Variants in RRP12 observed in about 807,000 individuals in gnomAD.
The protein encoded by RRP12 is RRP12-like protein.
In RRP12, 78 loss-of-function variants were observed where a neutral mutation model predicts 157.3. That is an observed-to-expected ratio of 0.50 (90% confidence interval 0.41 to 0.60). The LOEUF is 0.60. Ranked by LOEUF, RRP12 falls within the 20% of genes least tolerant of loss-of-function variation. RRP12 has a pLI of 0.00. For synonymous variants in RRP12, 726 were observed against 670.9 expected, an observed-to-expected ratio of 1.08 and a Z score of -1.27; for missense variants, 1,521 against 1,679.9, an observed-to-expected ratio of 0.91 and a Z score of 1.65.
chr10:97,363,948 C>CA (rs1424734001), intron 29 of RRP12, 45 bp from the exon 30 acceptor site: 1 of 1,568,486 alleles, frequency 6.4e-7, no homozygotes, highest in Non-Finnish European at 8.8e-7. Context: ...GGGAGCTCCT[C>CA]AAAACCTACC....
chr10:97,393,051 AT>A (rs1844853820), intron 4 of RRP12: 1 of 246,400 alleles, frequency 4.1e-6, no homozygotes, highest in Non-Finnish European at 8.2e-6. Context: ...TAATTTTTAT[AT>A]TTTTAGTAGA....
At chr10:97,386,685 T>A (rs886462797) in intron 8 of RRP12, among the ~76,000 whole-genome samples, 1 of 152,086 alleles carries the variant, frequency 6.6e-6, no homozygotes, top group Non-Finnish European at 1.5e-5. Flanking sequence ...TGTATGTAAA[T>A]AAACACTACA....
At chr10:97,371,579 A>C in intron 20 of RRP12, 1 of 185,914 alleles carries the variant, frequency 5.4e-6, no homozygotes, top group South Asian at 1.1e-4. Context: ...ACTGCTACTA[A>C]ACTGTGGCAA....
chr10:97,360,538 A>G lies in RRP12; in HGVS notation c.3640+8T>C, dbSNP rs1449791453. ...ATGTGTCCCAGGAGAGAGGAGTGGA[A>G]GCCTCACCTTGGTACTGAGGGGGTA... On this transcript the variant is annotated splice_region_variant and intron_variant, in intron 31 of 33. Transcript: ENST00000370992. 6.2e-7 allele frequency: 1 copy of G among 1,605,906 alleles called. No individual in the cohort carries two copies.
chr10:97,368,155 T>C (rs776304243), intron 25 of RRP12, among the ~76,000 whole-genome samples: 1 of 146,374 alleles, frequency 6.8e-6, no homozygotes, highest in Admixed American at 6.9e-5. Flanking sequence ...CTCAGCCACA[T>C]GAACAGCTGG....
intron 30 of RRP12, among the ~76,000 whole-genome samples, chr10:97,362,600 T>G (rs1232741788): frequency 1.3e-5 from 2 of 151,972 alleles, no homozygotes; most frequent in Non-Finnish European, 2.9e-5. Context: ...GAGGAAGGAC[T>G]CCCAGTAGGT....
Position 97,401,306 on chromosome 10 carries a change from G to C in RRP12, c.-75C>G. On this transcript the variant is annotated 5_prime_UTR_variant, in exon 1 of 34. Transcript: ENST00000370992. ...ACGTAGAAACACGCTCAGAACCCACGTGGATACCCTGTAGCCTTCACTTCC... is the reference window on the plus strand; with the variant it reads ...ACGTAGAAACACGCTCAGAACCCACCTGGATACCCTGTAGCCTTCACTTCC... 6.3e-7 allele frequency: 1 copy of C among 1,575,084 alleles called. No individual in the cohort carries two copies. The highest frequency in any genetic ancestry group is 8.7e-7 in the Non-Finnish European group (1 of 1,148,306).
chr10:97,378,507 T>C (rs1844371882), intron 15 of RRP12, among the ~76,000 whole-genome samples: 1 of 152,192 alleles, frequency 6.6e-6, no homozygotes, highest in Non-Finnish European at 1.5e-5. Flanking sequence ...CCACCATCAT[T>C]GAAACGTCAT....
At position 97,366,833 on chromosome 10, in the gene RRP12, C is replaced by A. The variant is rs1207675910; in HGVS notation, c.3124G>T (p.Ala1042Ser). 3 of 1,614,166 alleles carry A rather than the reference C, an allele frequency of 1.9e-6. No homozygotes were observed. Among genetic ancestry groups the A allele is most frequent in the South Asian group, 1.1e-5 (1 of 91,088 alleles). Residue 1042 changes from alanine (A) to serine (S), a missense_variant, in exon 27 of 34, where the codon GCC becomes TCC. By Grantham distance (99) the Ala-to-Ser change is moderately conservative. Coordinates refer to ENST00000370992, the MANE Select transcript of RRP12 (RefSeq NM_015179.4). The part of the protein sequence containing the change: ...LVNIRKAEAR[A>S]KRHRALSQAA... ...TGGCTCAGGGCTCGGTGCCTCTTGG[C>A]CCGGGCCTCAGCTTTCCGGATGTTG...
intron 20 of RRP12, 195 bp from the exon 21 acceptor site, chr10:97,371,276 G>A (rs1290250356): frequency 2.4e-5 from 15 of 624,722 alleles, no homozygotes; most frequent in Non-Finnish European, 3.1e-5. Flanking sequence ...GGTGTGTGCC[G>A]TGGGGCCCAC....
At chr10:97,394,621 C>T (rs1233675765) in intron 3 of RRP12, among the ~76,000 whole-genome samples, 1 of 152,162 alleles carries the variant, frequency 6.6e-6, no homozygotes, top group Non-Finnish European at 1.5e-5. Context: ...AACTCCTAGC[C>T]TCAAGCACTC....
chr10:97,391,228 C>T (rs1844794459), intron 4 of RRP12, among the ~76,000 whole-genome samples: 1 of 152,182 alleles, frequency 6.6e-6, no homozygotes, highest in African/African-American at 2.4e-5. Flanking sequence ...TCACCCAGGA[C>T]CTTATGTTGT....
chr10:97,390,563 A>G (rs1564767804), intron 5 of RRP12, 24 bp from the exon 6 acceptor site: 6 of 1,570,732 alleles, frequency 3.8e-6, no homozygotes, highest in Non-Finnish European at 5.3e-6. Context: ...AGAGTCCCTC[A>G]GTGCCACCAG....
chr10:97,378,197 T>G (rs1251663716), intron 15 of RRP12, among the ~76,000 whole-genome samples: 1 of 152,146 alleles, frequency 6.6e-6, no homozygotes, highest in African/African-American at 2.4e-5. Context: ...GGGTAATCAT[T>G]TTCAAATACA....
intron 29 of RRP12, 69 bp from the exon 30 acceptor site, chr10:97,363,972 C>T: frequency 6.9e-7 from 1 of 1,443,218 alleles, no homozygotes; most frequent in Non-Finnish European, 9.8e-7. Context: ...TCCTTCTGCC[C>T]CCTCCTGGCT....
chr10:97,381,877 G>T, intron 10 of RRP12, 51 bp from the exon 11 acceptor site: 2 of 1,329,120 alleles, frequency 1.5e-6, no homozygotes, highest in Non-Finnish European at 2.1e-6. Flanking sequence ...CTGGGGACCC[G>T]GGCAACCAGG....
chr10:97,372,824 A>C, intron 18 of RRP12, 21 bp from the exon 19 acceptor site: 3 of 1,554,432 alleles, frequency 1.9e-6, no homozygotes, highest in Non-Finnish European at 1.7e-6. Flanking sequence ...CGAGGGAATG[A>C]GGAGAAGAGA....
At chr10:97,389,394 A>G (rs888340250) in intron 6 of RRP12, among the ~76,000 whole-genome samples, 3 of 152,114 alleles carry the variant, frequency 2.0e-5, no homozygotes, top group Non-Finnish European at 4.4e-5. Flanking sequence ...CGCCCAGCCA[A>G]GGGGCTGCTA....
At chr10:97,397,717 T>A (rs1845006533) in intron 2 of RRP12, among the ~76,000 whole-genome samples, 1 of 151,452 alleles carries the variant, frequency 6.6e-6, no homozygotes, top group Non-Finnish European at 1.5e-5. Context: ...CCCAACACTT[T>A]GGGAGGCTCA....
Sources: allele counts gnomAD v4.1 joint callset (sites outside exome capture counted in the v4.1 genomes callset), GRCh38; gene constraint gnomAD v4.1.1; transcripts MANE v1.5; gene names NCBI Gene and HGNC (gene_info 2026-07-23, HGNC 2026-07-21).